CTNNA3: variants seen among roughly 807,000 people sequenced by gnomAD.
The protein encoded by CTNNA3 is catenin alpha 3.
Under a neutral mutation model 95.7 loss-of-function variants are expected in CTNNA3, and 76 were observed. The ratio of observed to expected loss-of-function variants is 0.79; its 90% CI spans 0.66 to 0.96. CTNNA3 has a LOEUF of 0.96. Ranked by LOEUF, CTNNA3 falls within the 40% of genes least tolerant of loss-of-function variation. The probability of loss-of-function intolerance (pLI) is 0.00; values close to 1 mark genes in which losing one functional copy is unlikely to be tolerated. For synonymous variants in CTNNA3, 431 were observed against 374.4 expected (o/e 1.15, Z -1.74); for missense variants, 1,191 against 1,089.8 (o/e 1.09, Z -1.31).
chr10:66,490,387 C>A (rs549652155), intron 11 of CTNNA3, among the ~76,000 whole-genome samples: 20 of 152,170 alleles, frequency 1.3e-4, no homozygotes, highest in Non-Finnish European at 2.8e-4. Flanking sequence ...GAAGAAGAGA[C>A]AAGAACTTGT....
intron 13 of CTNNA3, among the ~76,000 whole-genome samples, chr10:66,140,927 G>A (rs1448984675): frequency 6.6e-6 from 1 of 151,934 alleles, no homozygotes; most frequent in Non-Finnish European, 1.5e-5. Flanking sequence ...GGAGAAGCAG[G>A]GTTTAAGAAA....
intron 5 of CTNNA3, among the ~76,000 whole-genome samples, chr10:67,301,837 T>C (rs771749336): frequency 5.9e-5 from 9 of 151,600 alleles, no homozygotes; most frequent in Non-Finnish European, 8.8e-5. Flanking sequence ...GGGGTGGTGG[T>C]GGGCGCCTGT....
chr10:66,866,162 A>G (rs918182173), intron 7 of CTNNA3, among the ~76,000 whole-genome samples: 8 of 152,186 alleles, frequency 5.3e-5, no homozygotes, highest in Non-Finnish European at 1.2e-4. Context: ...GTTACTTCAC[A>G]TAGTCACAAA....
chr10:67,644,603 TC>T (rs1410010679), intron 2 of CTNNA3, among the ~76,000 whole-genome samples: 15 of 152,012 alleles, frequency 9.9e-5, no homozygotes, highest in African/African-American at 3.6e-4. Context: ...TCCAGAAAGA[TC>T]AGTTATTTTA....
At chr10:66,816,861 A>G (rs1198764496) in intron 7 of CTNNA3, among the ~76,000 whole-genome samples, 1 of 152,134 alleles carries the variant, frequency 6.6e-6, no homozygotes, top group Non-Finnish European at 1.5e-5. Context: ...TTAGAAATCA[A>G]TAACAGAAGA....
chr10:66,915,743 C>CAT (rs1846457329), intron 7 of CTNNA3, among the ~76,000 whole-genome samples: 1 of 128,010 alleles, frequency 7.8e-6, no homozygotes, highest in Admixed American at 1.0e-4. Flanking sequence ...CACATATATA[C>CAT]ATATATACAT....
chr10:66,825,581 T>G (rs954668522), intron 7 of CTNNA3, among the ~76,000 whole-genome samples: 1 of 152,162 alleles, frequency 6.6e-6, no homozygotes, highest in African/African-American at 2.4e-5. Context: ...CCTAGCCTTT[T>G]GAATGAATGA....
At chr10:67,132,935 G>T (rs550630309) in intron 7 of CTNNA3, among the ~76,000 whole-genome samples, 1 of 151,708 alleles carries the variant, frequency 6.6e-6, no homozygotes, top group South Asian at 2.1e-4. Flanking sequence ...GGGTGAGGGG[G>T]TATGAAGAGA....
intron 7 of CTNNA3, among the ~76,000 whole-genome samples, chr10:66,906,576 T>C (rs1845994727): frequency 6.6e-6 from 1 of 152,178 alleles, no homozygotes; most frequent in Admixed American, 6.5e-5. Context: ...TAGACTTATA[T>C]TAATCTACAA....
intron 7 of CTNNA3, among the ~76,000 whole-genome samples, chr10:66,850,459 C>A (rs1192874788): frequency 6.6e-6 from 1 of 151,992 alleles, no homozygotes; most frequent in East Asian, 1.9e-4. Context: ...TTTTAATGAA[C>A]CCTTTTATAG....
intron 17 of CTNNA3, among the ~76,000 whole-genome samples, chr10:65,924,382 A>G: frequency 6.6e-6 from 1 of 152,118 alleles, no homozygotes; most frequent in East Asian, 1.9e-4. Flanking sequence ...AAGAGTAACA[A>G]AGCACCAGCC....
At chr10:67,715,532 T>C (rs11815985) in intron 1 of CTNNA3, among the ~76,000 whole-genome samples, 18,939 of 151,936 alleles carry the variant, frequency 0.12, 1,765 homozygotes, top group African/African-American at 0.27. Flanking sequence ...TTACAATGTC[T>C]GAGAACCGTC....
intron 15 of CTNNA3, among the ~76,000 whole-genome samples, chr10:66,047,027 C>T (rs2079842928): frequency 6.6e-6 from 1 of 152,120 alleles, no homozygotes; most frequent in Non-Finnish European, 1.5e-5. Context: ...CTGATGGAAA[C>T]ACAGCCGAAT....
intron 12 of CTNNA3, among the ~76,000 whole-genome samples, chr10:66,307,758 T>G (rs2091953320): frequency 6.6e-6 from 1 of 152,232 alleles, no homozygotes; most frequent in Non-Finnish European, 1.5e-5. Context: ...GTTTATTTCC[T>G]GATAATTCAT....
At chr10:66,045,990 C>T (rs1172688513) in intron 15 of CTNNA3, among the ~76,000 whole-genome samples, 1 of 152,092 alleles carries the variant, frequency 6.6e-6, no homozygotes, top group Non-Finnish European at 1.5e-5. Context: ...CTAGATGCAG[C>T]TGGTGTGCAT....
intron 15 of CTNNA3, among the ~76,000 whole-genome samples, chr10:66,039,813 T>C (rs941788506): frequency 3.9e-5 from 6 of 152,240 alleles, no homozygotes; most frequent in African/African-American, 7.2e-5. Context: ...TTTGGACATA[T>C]GAACGGGCAA....
intron 9 of CTNNA3, among the ~76,000 whole-genome samples, chr10:66,667,419 T>C (rs1480030272): frequency 6.6e-6 from 1 of 152,170 alleles, no homozygotes; most frequent in Admixed American, 6.5e-5. Context: ...GCTGAGAATA[T>C]TGTCCCGCAC....
At chr10:66,586,320 T>A (rs1003920852) in intron 10 of CTNNA3, among the ~76,000 whole-genome samples, 1 of 152,032 alleles carries the variant, frequency 6.6e-6, no homozygotes, top group Non-Finnish European at 1.5e-5. Context: ...AACGATTGGA[T>A]GAAGTCCCAG....
chr10:66,291,991 T>A (rs2091689886), intron 12 of CTNNA3, among the ~76,000 whole-genome samples: 1 of 151,562 alleles, frequency 6.6e-6, no homozygotes, highest in African/African-American at 2.4e-5. Context: ...ATATATCATT[T>A]GATGTGGAAC....
Sources: allele counts gnomAD v4.1 joint callset (sites outside exome capture counted in the v4.1 genomes callset), GRCh38; gene constraint gnomAD v4.1.1; transcripts MANE v1.5; gene names NCBI Gene and HGNC (gene_info 2026-07-23, HGNC 2026-07-21).